Variants in RBM19 observed in about 807,000 individuals in gnomAD.
RBM19 encodes probable RNA-binding protein 19.
In RBM19, 94 loss-of-function variants were observed where a neutral mutation model predicts 116.8. That is an observed-to-expected ratio of 0.80 (90% CI 0.68 to 0.95). The LOEUF (loss-of-function observed/expected upper bound fraction) is 0.95. RBM19 is among the 40% of genes least tolerant of loss of function. The probability of loss-of-function intolerance (pLI) is 0.00; values close to 1 mark genes in which losing one functional copy is unlikely to be tolerated. For synonymous variants in RBM19, 475 were observed against 494.1 expected, an observed-to-expected ratio of 0.96 and a Z score of 0.51; for missense variants, 1,161 against 1,220.7, an observed-to-expected ratio of 0.95 and a Z score of 0.73.
chr12:113,862,431 G>A lies in RBM19; in HGVS notation c.2559-3535C>T, dbSNP rs147179914. Among the ~76,000 whole-genome samples the A allele has an allele frequency of 9.5e-3, 1,452 of 152,186 alleles. 10 individuals carry two copies. The highest frequency in any genetic ancestry group is 0.014 in the Non-Finnish European group (969 of 68,010). On this transcript the variant is annotated intron_variant, in intron 21 of 23. Coordinates refer to ENST00000261741, the MANE Select transcript of RBM19 (RefSeq NM_016196.4). ...AGGCCAATACTAATGATCTCAGAGA[G>A]CTATCGAAAGAGAATTAAAAAGAAA...
At chr12:113,912,915 C>G (rs1030012857) in intron 21 of RBM19, among the ~76,000 whole-genome samples, 1 of 152,140 alleles carries the variant, frequency 6.6e-6, no homozygotes, top group African/African-American at 2.4e-5. Flanking sequence ...GAGGAACTGC[C>G]TTACATCCCC....
chr12:113,947,532 A>G (rs1871136154), intron 10 of RBM19, 68 bp from the exon 11 acceptor site: 7 of 1,519,090 alleles, frequency 4.6e-6, no homozygotes, highest in Admixed American at 1.8e-5. Context: ...GAATGTGGTG[A>G]GCACCAGCTG....
At chr12:113,820,765 T>C (rs752870224), downstream of RBM19, among the ~76,000 whole-genome samples, 5 of 151,960 alleles carry the variant, frequency 3.3e-5, no homozygotes, top group Non-Finnish European at 1.5e-5. Context: ...GGGGCAGGGG[T>C]GCAGGGGCCA....
At chr12:113,830,325 T>C (rs1875262655) in intron 23 of RBM19, among the ~76,000 whole-genome samples, 1 of 152,124 alleles carries the variant, frequency 6.6e-6, no homozygotes, top group African/African-American at 2.4e-5. Context: ...CTGATGCAAA[T>C]GGCCTGGGGT....
At chr12:113,937,193 G>A (rs1202491925) in intron 15 of RBM19, 57 bp from the exon 16 acceptor site, 3 of 1,598,766 alleles carry the variant, frequency 1.9e-6, no homozygotes, top group Admixed American at 1.7e-5. Flanking sequence ...CTGCTGGGGA[G>A]GGACTCAGTC....
At chr12:113,894,792 G>C (rs962359143) in intron 21 of RBM19, among the ~76,000 whole-genome samples, 2 of 152,234 alleles carry the variant, frequency 1.3e-5, no homozygotes, top group African/African-American at 2.4e-5. Flanking sequence ...TCTGAGAGCA[G>C]AGTCCAAGCA....
chr12:113,871,875 C>G (rs1431133810), intron 21 of RBM19, among the ~76,000 whole-genome samples: 1 of 151,996 alleles, frequency 6.6e-6, no homozygotes, highest in Non-Finnish European at 1.5e-5. Flanking sequence ...CCCGCGGGGC[C>G]GGAGGGCAAG....
intron 21 of RBM19, among the ~76,000 whole-genome samples, chr12:113,882,855 T>C (rs1361123345): frequency 6.6e-6 from 1 of 152,230 alleles, no homozygotes; most frequent in African/African-American, 2.4e-5. Flanking sequence ...AGTCCAGAGA[T>C]ACAAGAGTTC....
At chr12:113,939,836 C>T (rs1249832829) in intron 15 of RBM19, 124 bp downstream of exon 15, 32 of 984,644 alleles carry the variant, frequency 3.2e-5, no homozygotes, top group South Asian at 1.7e-4. Context: ...ATGATCGTGA[C>T]GGGCGGTTTA....
Position 113,896,492 on chromosome 12 carries a change from G to A in RBM19, c.2558+18477C>T, listed in dbSNP as rs185875658. Among the ~76,000 whole-genome samples, 10 of 152,312 alleles carry A rather than the reference G, an allele frequency of 6.6e-5. No homozygotes were observed. In the East Asian group the frequency reaches 1.7e-3, roughly 26 times the overall value. ...AGGACCAGCTCTTGCCAGGAACACT[G>A]GGAGGCACAGACATTACAGTGAAGA... On this transcript the variant is annotated intron_variant, in intron 21 of 23. Transcript: ENST00000261741.
chr12:113,859,112 T>A (rs1443238996), intron 21 of RBM19, among the ~76,000 whole-genome samples: 1 of 152,196 alleles, frequency 6.6e-6, no homozygotes, highest in Non-Finnish European at 1.5e-5. Flanking sequence ...ACAATCAGGC[T>A]GGAGATGTGA....
At position 113,942,454 on chromosome 12, in the gene RBM19, G is replaced by C; in HGVS notation, c.1627-20C>G. ...GGTCTCCTGTGGAAGAGGAAAGGAAGAGTTCTGGTTGGCTGTCGGCCAGGT... is the reference window on the plus strand; with the variant it reads ...GGTCTCCTGTGGAAGAGGAAAGGAACAGTTCTGGTTGGCTGTCGGCCAGGT... On this transcript the variant is annotated intron_variant, in intron 13 of 23. Coordinates refer to ENST00000261741, the MANE Select transcript of RBM19 (RefSeq NM_016196.4). The C allele has an allele frequency of 6.3e-7, 1 of 1,589,724 alleles. No individual in the cohort carries two copies. Among genetic ancestry groups the C allele is most frequent in the African/African-American group, 1.3e-5 (1 of 74,558 alleles).
chr12:113,862,328 G>A (rs980633384), intron 21 of RBM19, among the ~76,000 whole-genome samples: 2 of 152,132 alleles, frequency 1.3e-5, no homozygotes, highest in Non-Finnish European at 2.9e-5. Context: ...TTTCTCATCC[G>A]GGCTGCTTCT....
intron 21 of RBM19, among the ~76,000 whole-genome samples, chr12:113,864,120 A>AG (rs1252659333): frequency 6.6e-6 from 1 of 152,190 alleles, no homozygotes; most frequent in Non-Finnish European, 1.5e-5. Context: ...TGACTTGCCC[A>AG]AGGTTCCATG....
chr12:113,865,225 C>A (rs1878712136), intron 21 of RBM19, among the ~76,000 whole-genome samples: 1 of 152,286 alleles, frequency 6.6e-6, no homozygotes, highest in East Asian at 1.9e-4. Context: ...CGTATGCTTA[C>A]CTCAGGGCCT....
chr12:113,928,625 A>AGGTGTGTGTGTG (rs1555242500), intron 16 of RBM19, among the ~76,000 whole-genome samples: 1 of 120,334 alleles, frequency 8.3e-6, no homozygotes, highest in Non-Finnish European at 1.8e-5. Flanking sequence ...TTAGCAAGGG[A>AGGTGTGTGTGTG]TGTGTGTGTG....
At chr12:113,854,018 G>A (rs182170695) in intron 22 of RBM19, among the ~76,000 whole-genome samples, 2 of 152,228 alleles carry the variant, frequency 1.3e-5, no homozygotes, top group Non-Finnish European at 2.9e-5. Context: ...AGAGCCTGGC[G>A]TGGAGATACA....
rs759482164 is a variant in RBM19, at chr12:113,946,424, C to T, written c.1459G>A (p.Asp487Asn). 17 of 1,614,044 alleles carry T rather than the reference C, an allele frequency of 1.1e-5. No individual in the cohort carries two copies. Among genetic ancestry groups the T allele is most frequent in the Non-Finnish European group, 1.4e-5 (17 of 1,180,034 alleles). Reference protein sequence around the residue: ...PSTIKKEASEDASALGSSSYK... With the variant: ...PSTIKKEASENASALGSSSYK... ...GACGACGATCCCAGGGCACTGGCAT[C>T]CTCGCTGGCTTCCTTCTTGATGGTA... Residue 487 changes from aspartate (D) to asparagine (N), a missense_variant, in exon 12 of 24, where the codon GAT becomes AAT. Coordinates refer to ENST00000261741, the MANE Select transcript of RBM19 (RefSeq NM_016196.4).
chr12:113,950,179 A>G, intron 8 of RBM19, 25 bp from the exon 9 acceptor site: 1 of 1,565,098 alleles, frequency 6.4e-7, no homozygotes, highest in Non-Finnish European at 8.8e-7. Context: ...TGACAGAGGT[A>G]AAATCTGCAG....
Sources: gnomAD v4.1 joint callset for allele counts (sites outside exome capture counted in the v4.1 genomes callset) on GRCh38, gnomAD v4.1.1 for gene constraint, MANE v1.5 for transcripts, NCBI Gene and HGNC (gene_info 2026-07-23, HGNC 2026-07-21) for gene names.